PRLR: variants seen among roughly 807,000 people sequenced by gnomAD.
PRLR encodes prolactin receptor.
PRLR carries 13 observed loss-of-function variants against 40.2 expected under a neutral mutation model. The ratio of observed to expected loss-of-function variants is 0.32; its 90% CI spans 0.21 to 0.51. The LOEUF (loss-of-function observed/expected upper bound fraction) is 0.51, where lower values mean the gene tolerates loss of function less well. PRLR is among the 20% of genes least tolerant of loss of function. The pLI is 0.97. For missense variants in PRLR, 656 were observed against 747.3 expected, an observed-to-expected ratio of 0.88 and a Z score of 1.42; for synonymous variants, 269 against 278.7, an observed-to-expected ratio of 0.97 and a Z score of 0.35.
chr5:35,208,753 G>T (rs1235819201), intron 1 of PRLR, among the ~76,000 whole-genome samples: 1 of 151,862 alleles, frequency 6.6e-6, no homozygotes, highest in Non-Finnish European at 1.5e-5. Context: ...TAAAAATTAA[G>T]AATTTTTTTA....
chr5:35,196,904 G>T (rs1775751174), intron 1 of PRLR, among the ~76,000 whole-genome samples: 1 of 152,178 alleles, frequency 6.6e-6, no homozygotes, highest in South Asian at 2.1e-4. Context: ...TTTCTGGACT[G>T]CACACTGCTG....
rs746469433 is a variant in PRLR at position 35,089,636 on chromosome 5, T to C, written c.-16A>G. On this transcript the variant is annotated 5_prime_UTR_variant, in exon 3 of 10. Coordinates refer to ENST00000618457, the MANE Select transcript of PRLR (RefSeq NM_000949.7). ...TTTCCTTCATGTTGGCTGCCTTCTCTTGCTGCAGGAAATGTATCAGAAGTT... is the reference window on the plus strand; with the variant it reads ...TTTCCTTCATGTTGGCTGCCTTCTCCTGCTGCAGGAAATGTATCAGAAGTT... 1 of 1,613,882 alleles carries C rather than the reference T, an allele frequency of 6.2e-7. No homozygotes were observed. Among genetic ancestry groups the C allele is most frequent in the Middle Eastern group, 1.7e-4 (1 of 6,060 alleles).
intron 5 of PRLR, 71 bp from the exon 6 acceptor site, chr5:35,072,815 T>C: frequency 2.6e-6 from 4 of 1,536,498 alleles, no homozygotes; most frequent in Non-Finnish European, 3.5e-6. Flanking sequence ...CATTTTCTAT[T>C]AGGAATTCCT....
chr5:35,205,803 G>T (rs546462621), intron 1 of PRLR, among the ~76,000 whole-genome samples: 1 of 152,278 alleles, frequency 6.6e-6, no homozygotes, highest in African/African-American at 2.4e-5. Context: ...CCTGTTAGAG[G>T]CTGATATTGA....
At position 35,109,958 on chromosome 5, in the gene PRLR, G is replaced by A. The variant is rs200917560; in HGVS notation, c.-44+8103C>T. Among the ~76,000 whole-genome samples, 147 of 152,272 alleles carry A rather than the reference G, an allele frequency of 9.7e-4. 2 individuals carry two copies. The East Asian group carries it at 0.013, about 13-fold the overall frequency. On this transcript the variant is annotated intron_variant, in intron 2 of 9. Coordinates refer to ENST00000618457, the MANE Select transcript of PRLR (RefSeq NM_000949.7). ...CACTATTCACAATAGCAAAGGCTTG[G>A]AGCCAACCCAAATGTCCATCAGTGA...
At chr5:35,114,506 C>T (rs1288734962) in intron 2 of PRLR, among the ~76,000 whole-genome samples, 1 of 152,184 alleles carries the variant, frequency 6.6e-6, no homozygotes, top group Non-Finnish European at 1.5e-5. Flanking sequence ...TGGAACCCTC[C>T]AGGCTCCTCA....
chr5:35,145,102 T>G (rs542719997), intron 1 of PRLR, among the ~76,000 whole-genome samples: 1 of 152,218 alleles, frequency 6.6e-6, no homozygotes, highest in Non-Finnish European at 1.5e-5. Flanking sequence ...TATTATGAAC[T>G]GTGGAAAGCT....
intron 1 of PRLR, among the ~76,000 whole-genome samples, chr5:35,172,073 T>C (rs982924074): frequency 6.6e-6 from 1 of 152,296 alleles, no homozygotes; most frequent in African/African-American, 2.4e-5. Context: ...AGGTTAACAG[T>C]GCAAGCTACA....
At chr5:35,103,216 C>T (rs1234017472) in intron 2 of PRLR, among the ~76,000 whole-genome samples, 1 of 152,044 alleles carries the variant, frequency 6.6e-6, no homozygotes, top group Non-Finnish European at 1.5e-5. Context: ...TTTCTGTGTC[C>T]CAAAGTAAGA....
At chr5:35,145,488 T>G (rs1774156771) in intron 1 of PRLR, among the ~76,000 whole-genome samples, 2 of 152,194 alleles carry the variant, frequency 1.3e-5, no homozygotes, top group South Asian at 4.1e-4. Context: ...TCTTACCAAA[T>G]GCACCCTTTG....
At chr5:35,198,765 G>A (rs1775803064) in intron 1 of PRLR, among the ~76,000 whole-genome samples, 1 of 152,104 alleles carries the variant, frequency 6.6e-6, no homozygotes, top group Non-Finnish European at 1.5e-5. Context: ...AGCACTTAGT[G>A]TCTGCTTGGT....
chr5:35,093,107 G>A lies in PRLR; in HGVS notation c.-43-3444C>T, dbSNP rs371528006. Among the ~76,000 whole-genome samples the A allele has an allele frequency of 5.9e-5, 9 of 152,086 alleles. No homozygotes were observed. In the East Asian group the frequency reaches 1.2e-3, roughly 20 times the overall value. On this transcript the variant is annotated intron_variant, in intron 2 of 9. Transcript: ENST00000618457. ...TTCCATTAAGCCAAGTCTCTTCCAC[G>A]TAGGCCAACAGTTGAGAAAAAGGTC...
Position 35,065,668 on chromosome 5 carries a change from G to A in PRLR, c.1290C>T (p.Tyr430=), listed in dbSNP as rs1769319030. 3.1e-6 allele frequency: 5 copies of A among 1,614,174 alleles called. No individual in the cohort carries two copies. The highest frequency in any genetic ancestry group is 3.4e-6 in the Non-Finnish European group (4 of 1,180,030). Residue 430 remains tyrosine (Y), a synonymous_variant, in exon 10 of 10, where the codon TAC becomes TAT. Transcript: ENST00000618457. ...GCTCACACACATCAGTAATATTGTGGTAAGAGGATCTGGGGTTGTGCTGGC... is the reference window on the plus strand; with the variant it reads ...GCTCACACACATCAGTAATATTGTGATAAGAGGATCTGGGGTTGTGCTGGC... ...QPSQHNPRSS[Y]HNITDVCELA... is the part of the protein sequence containing the mutation.
At chr5:35,126,496 A>AT (rs1006843578) in intron 1 of PRLR, among the ~76,000 whole-genome samples, 6 of 151,842 alleles carry the variant, frequency 4.0e-5, no homozygotes, top group Non-Finnish European at 8.8e-5. Flanking sequence ...AAATTGGAGG[A>AT]TTTTTTTTCT....
intron 1 of PRLR, among the ~76,000 whole-genome samples, chr5:35,130,909 A>G (rs1408661195): frequency 6.6e-6 from 1 of 152,188 alleles, no homozygotes; most frequent in Non-Finnish European, 1.5e-5. Context: ...ATGCAGCTAC[A>G]AGCCAAGGAA....
intron 1 of PRLR, among the ~76,000 whole-genome samples, chr5:35,175,283 G>T (rs1775114558): frequency 1.3e-5 from 2 of 152,144 alleles, no homozygotes; most frequent in South Asian, 4.1e-4. Flanking sequence ...TTGAAAGCAG[G>T]AGTTTCCCTG....
At chr5:35,143,501 A>G (rs1317171493) in intron 1 of PRLR, among the ~76,000 whole-genome samples, 1 of 152,194 alleles carries the variant, frequency 6.6e-6, no homozygotes, top group Non-Finnish European at 1.5e-5. Flanking sequence ...GTACCTCCTT[A>G]CAGACACACA....
downstream of PRLR, among the ~76,000 whole-genome samples, chr5:35,054,382 T>C (rs1369953791): frequency 6.6e-6 from 1 of 152,100 alleles, no homozygotes; most frequent in African/African-American, 2.4e-5. Flanking sequence ...TAGTCATTTA[T>C]GGCAGTGAAA....
At chr5:35,228,831 A>T (rs1463971507) in intron 1 of PRLR, among the ~76,000 whole-genome samples, 1 of 152,136 alleles carries the variant, frequency 6.6e-6, no homozygotes, top group African/African-American at 2.4e-5. Flanking sequence ...CAGCCCAACC[A>T]GCAGCAAGGA....
Sources: allele counts gnomAD v4.1 joint callset (sites outside exome capture counted in the v4.1 genomes callset), GRCh38; gene constraint gnomAD v4.1.1; transcripts MANE v1.5; gene names NCBI Gene and HGNC (gene_info 2026-07-23, HGNC 2026-07-21).